CRTC1: variants seen among roughly 807,000 people sequenced by gnomAD.
CRTC1 encodes CREB-regulated transcription coactivator 1.
Under a neutral mutation model 66.1 loss-of-function variants are expected in CRTC1, and 18 were observed. The observed-to-expected ratio is 0.27, with a 90% confidence interval of 0.19 to 0.40. CRTC1 has a LOEUF of 0.40. CRTC1 is among the 10% of genes least tolerant of loss of function. The pLI is 1.00. For missense variants in CRTC1, 669 were observed against 887.9 expected (o/e 0.75, Z 3.13); for synonymous variants, 416 against 398.8 (o/e 1.04, Z -0.51).
rs886322644 is a variant in CRTC1 at position 18,782,312 on chromosome 19, T to TA, written c.*4935dup. On this transcript the variant is annotated 3_prime_UTR_variant, in exon 14 of 14. Coordinates refer to ENST00000321949, the MANE Select transcript of CRTC1 (RefSeq NM_015321.3). ...TTGCATCCTTTGTAATGAAACGTAA[T>TA]AAAAATCCAACGTTTTCGTCACTGG... is the stretch of plus-strand genomic sequence containing the variant. 1 of 212,054 alleles carries TA rather than the reference T, an allele frequency of 4.7e-6. No homozygotes were observed. Among genetic ancestry groups the TA allele is most frequent in the Non-Finnish European group, 9.6e-6 (1 of 103,996 alleles). The allele number at this position is 212,054 out of a possible 1,614,324, so 13.1% of individuals were successfully genotyped here.
chr19:18,757,274 C>T (rs866115066), intron 6 of CRTC1, among the ~76,000 whole-genome samples: 5 of 152,160 alleles, frequency 3.3e-5, no homozygotes, highest in South Asian at 4.1e-4. Flanking sequence ...ACAGGAGTCT[C>T]GGGGGCCCCT....
intron 1 of CRTC1, among the ~76,000 whole-genome samples, chr19:18,737,509 C>T (rs1387285829): frequency 6.6e-6 from 1 of 152,100 alleles, no homozygotes; most frequent in Non-Finnish European, 1.5e-5. Context: ...TCAGTTTTCC[C>T]ATCTGGAGAG....
chr19:18,701,054 T>G lies in CRTC1; in HGVS notation c.126+17226T>G, dbSNP rs547482400. Among the ~76,000 whole-genome samples, 97 of 152,278 alleles carry G rather than the reference T, an allele frequency of 6.4e-4. 1 individual carries two copies. The highest frequency in any genetic ancestry group is 2.3e-3 in the African/African-American group (96 of 41,582). On this transcript the variant is annotated intron_variant, in intron 1 of 13. Transcript: ENST00000321949. ...AGAATAAATGCACAGACCCTGGGGA[T>G]GATTTATGGTCCCAACAGCCTATCT... is the stretch of plus-strand genomic sequence containing the variant.
At chr19:18,739,343 G>A (rs1471142262) in intron 1 of CRTC1, among the ~76,000 whole-genome samples, 1 of 152,254 alleles carries the variant, frequency 6.6e-6, no homozygotes, top group Non-Finnish European at 1.5e-5. Flanking sequence ...GTTACACCTT[G>A]AGGTGGCTTG....
At chr19:18,744,195 G>A (rs946963359) in intron 2 of CRTC1, 28 of 1,598,630 alleles carry the variant, frequency 1.8e-5, no homozygotes, top group African/African-American at 4.0e-5. Context: ...CGTCCCCGGC[G>A]CCAGCCTGCA....
In CRTC1 at chr19:18,694,134, A is replaced by AG. The variant is rs1007039509; in HGVS notation, c.126+10307dup. ...GGGTAACAGAGCGAGACTCCGTCTCAGAAAAAAAAAAAAAAAAATAGGCTG... is the reference window on the plus strand; with the variant it reads ...GGGTAACAGAGCGAGACTCCGTCTCAGGAAAAAAAAAAAAAAAAATAGGCTG... On this transcript the variant is annotated intron_variant, in intron 1 of 13. Transcript: ENST00000321949. Among the ~76,000 whole-genome samples, 12 of 86,368 alleles carry AG rather than the reference A, an allele frequency of 1.4e-4. No individual in the cohort carries two copies. The South Asian group carries it at 1.6e-3, about 11-fold the overall frequency. The allele number at this position is 86,368 out of a possible 152,430, so 56.7% of individuals were successfully genotyped here.
intron 1 of CRTC1, among the ~76,000 whole-genome samples, chr19:18,709,079 C>T (rs1029318680): frequency 2.6e-4 from 39 of 152,184 alleles, no homozygotes; most frequent in African/African-American, 9.2e-4. Context: ...TGCAGGGTCC[C>T]AGGGCTGTTT....
At chr19:18,710,041 C>G (rs1458092947) in intron 1 of CRTC1, among the ~76,000 whole-genome samples, 1 of 151,900 alleles carries the variant, frequency 6.6e-6, no homozygotes, top group East Asian at 1.9e-4. Flanking sequence ...CTTTGCCCAC[C>G]CTGGCTTCCT....
Position 18,781,081 on chromosome 19 carries a change from C to T in CRTC1, c.*3699C>T, listed in dbSNP as rs531023254. ...AGCTCCCATCACCTTCACTGGGTCCCGATGGAGCCGTCTCAGAGGCCGAGG... is the reference window on the plus strand; with the variant it reads ...AGCTCCCATCACCTTCACTGGGTCCTGATGGAGCCGTCTCAGAGGCCGAGG... On this transcript the variant is annotated 3_prime_UTR_variant, in exon 14 of 14. Transcript: ENST00000321949. 3.5e-5 allele frequency: 8 copies of T among 227,948 alleles called. No individual in the cohort carries two copies. The highest frequency in any genetic ancestry group is 6.1e-5 in the Non-Finnish European group (7 of 114,916). The allele number at this position is 227,948 out of a possible 1,614,324, so 14.1% of individuals were successfully genotyped here.
chr19:18,704,426 A>C (rs2053214756), intron 1 of CRTC1, among the ~76,000 whole-genome samples: 1 of 152,028 alleles, frequency 6.6e-6, no homozygotes, highest in Admixed American at 6.6e-5. Context: ...TACACATAAC[A>C]TGTGGCCAGA....
chr19:18,687,386 C>T (rs1197555856), intron 1 of CRTC1, among the ~76,000 whole-genome samples: 3 of 152,112 alleles, frequency 2.0e-5, no homozygotes, highest in Non-Finnish European at 2.9e-5. Flanking sequence ...GAGCTTTGCA[C>T]CTGGTCAGGT....
At chr19:18,691,379 G>A (rs1046952346) in intron 1 of CRTC1, among the ~76,000 whole-genome samples, 9 of 151,788 alleles carry the variant, frequency 5.9e-5, no homozygotes, top group East Asian at 1.9e-4. Flanking sequence ...TTAATTAGCC[G>A]GGTGTGGTGG....
intron 2 of CRTC1, chr19:18,743,965 G>T: frequency 1.3e-6 from 1 of 757,628 alleles, no homozygotes. Flanking sequence ...TGCAAGCTCA[G>T]CCTGAGTGGG....
At chr19:18,774,298 C>G (rs2054935513) in intron 11 of CRTC1, among the ~76,000 whole-genome samples, 1 of 152,216 alleles carries the variant, frequency 6.6e-6, no homozygotes, top group Non-Finnish European at 1.5e-5. Flanking sequence ...AGGGACAGCC[C>G]CTGTCACCCT....
chr19:18,759,882 C>A, intron 7 of CRTC1, 126 bp from the exon 8 acceptor site: 2 of 820,128 alleles, frequency 2.4e-6, no homozygotes, highest in Non-Finnish European at 3.9e-6. Flanking sequence ...AGTGGTTTCC[C>A]AAGCACACGG....
chr19:18,751,640 C>T (rs761263972), intron 5 of CRTC1, among the ~76,000 whole-genome samples: 6 of 152,180 alleles, frequency 3.9e-5, no homozygotes, highest in East Asian at 1.9e-4. Flanking sequence ...CCATCCATCC[C>T]GTCGCTCAGA....
chr19:18,723,609 C>T (rs562640817), intron 1 of CRTC1, among the ~76,000 whole-genome samples: 13 of 152,342 alleles, frequency 8.5e-5, no homozygotes, highest in Middle Eastern at 3.4e-3. Context: ...GGTTTCCTAA[C>T]GGTGGGCTTG....
chr19:18,754,759 T>C (rs1341991982), intron 6 of CRTC1, among the ~76,000 whole-genome samples: 2 of 152,146 alleles, frequency 1.3e-5, no homozygotes, highest in East Asian at 1.9e-4. Flanking sequence ...ACTATTGTCA[T>C]GTGGACAGAG....
chr19:18,780,385 G>A lies in CRTC1; in HGVS notation c.*3003G>A, dbSNP rs561809084. On this transcript the variant is annotated 3_prime_UTR_variant, in exon 14 of 14. Coordinates refer to ENST00000321949, the MANE Select transcript of CRTC1 (RefSeq NM_015321.3). ...CCCAGGGTGGCAAGTCTTGCAGGCA[G>A]AGGGTGTAGCCCAAGTTCAGCCTCT... 1 of 232,392 alleles carries A rather than the reference G, an allele frequency of 4.3e-6. No homozygotes were observed. Among genetic ancestry groups the A allele is most frequent in the South Asian group, 1.8e-4 (1 of 5,524 alleles). The allele number at this position is 232,392 out of a possible 1,614,324, so 14.4% of individuals were successfully genotyped here.
Sources: allele counts gnomAD v4.1 joint callset (sites outside exome capture counted in the v4.1 genomes callset), GRCh38; gene constraint gnomAD v4.1.1; transcripts MANE v1.5; gene names NCBI Gene and HGNC (gene_info 2026-07-23, HGNC 2026-07-21).